FILIP1: variants seen among roughly 807,000 people sequenced by gnomAD.
FILIP1 encodes the protein filamin A interacting protein 1.
In FILIP1, 61 loss-of-function variants were observed where a neutral mutation model predicts 102.1. The observed-to-expected ratio is 0.60, with a 90% confidence interval of 0.49 to 0.74. The LOEUF is 0.74. Ranked by LOEUF, FILIP1 falls within the 30% of genes least tolerant of loss-of-function variation. The pLI, the probability that FILIP1 is intolerant of heterozygous loss-of-function variation, is 0.00. For missense variants in FILIP1, 1,314 were observed against 1,441.2 expected (o/e 0.91, Z 1.43); for synonymous variants, 491 against 526.9 (o/e 0.93, Z 0.93).
chr6:75,404,321 T>C (rs1776761419), intron 2 of FILIP1, among the ~76,000 whole-genome samples: 2 of 152,166 alleles, frequency 1.3e-5, no homozygotes, highest in African/African-American at 4.8e-5. Flanking sequence ...TCCAGCCCTC[T>C]CTTGCCTGTC....
At chr6:75,307,441 T>A (rs947853425), downstream of FILIP1, among the ~76,000 whole-genome samples, 1 of 152,240 alleles carries the variant, frequency 6.6e-6, no homozygotes, top group Non-Finnish European at 1.5e-5. Context: ...GACTTTTTGC[T>A]GTTGTATTTT....
At chr6:75,378,636 A>T (rs1201180753) in intron 2 of FILIP1, among the ~76,000 whole-genome samples, 1 of 152,200 alleles carries the variant, frequency 6.6e-6, no homozygotes, top group East Asian at 1.9e-4. Flanking sequence ...CAACTCTTCT[A>T]CTTTTTTCTT....
intron 1 of FILIP1, among the ~76,000 whole-genome samples, chr6:75,490,028 A>G (rs1226071045): frequency 6.6e-6 from 1 of 152,070 alleles, no homozygotes; most frequent in Non-Finnish European, 1.5e-5. Flanking sequence ...ATGTGGATTA[A>G]ACAAACTCTG....
chr6:75,431,266 T>C lies in FILIP1; in HGVS notation c.-6-16288A>G, dbSNP rs558111406. On this transcript the variant is annotated intron_variant, in intron 1 of 5. Coordinates refer to ENST00000237172, the MANE Select transcript of FILIP1 (RefSeq NM_015687.5). ...GGCTACGTTCCTATAATTTTTAATG[T>C]CTAAAATTTAAGATGTACATAAACA... Among the ~76,000 whole-genome samples, 69 of 152,316 alleles carry C rather than the reference T, an allele frequency of 4.5e-4. No individual in the cohort carries two copies. The South Asian group carries it at 0.014, about 31-fold the overall frequency.
At chr6:75,318,132 C>A (rs1325936393) in intron 4 of FILIP1, among the ~76,000 whole-genome samples, 1 of 151,612 alleles carries the variant, frequency 6.6e-6, no homozygotes, top group Non-Finnish European at 1.5e-5. Context: ...TCCTGGATAG[C>A]TTTTCATCCT....
At chr6:75,465,460 T>G (rs1779135292) in intron 1 of FILIP1, 2 of 959,190 alleles carry the variant, frequency 2.1e-6, no homozygotes, top group African/African-American at 1.6e-5. Flanking sequence ...GCTAGCAAAA[T>G]GGCAGAATTC....
At chr6:75,355,294 CA>C (rs1420520627) in intron 3 of FILIP1, among the ~76,000 whole-genome samples, 1 of 151,708 alleles carries the variant, frequency 6.6e-6, no homozygotes, top group African/African-American at 2.4e-5. Flanking sequence ...GACTCCATCT[CA>C]AAAACCAAAA....
chr6:75,362,729 G>C lies in FILIP1; in HGVS notation c.450+15C>G, dbSNP rs758535010. The C allele has an allele frequency of 4.3e-6, 7 of 1,609,956 alleles. No homozygotes were observed. Among genetic ancestry groups the C allele is most frequent in the Non-Finnish European group, 5.9e-6 (7 of 1,178,256 alleles). On this transcript the variant is annotated intron_variant, in intron 3 of 5. Coordinates refer to ENST00000237172, the MANE Select transcript of FILIP1 (RefSeq NM_015687.5). ...AGGTTCCCATCCAGGGGACTTGTTG[G>C]TGTCATATTTTTACCTCTGAAATCG...
At chr6:75,323,850 T>TCTC (rs35308124) in intron 4 of FILIP1, among the ~76,000 whole-genome samples, 101,530 of 151,542 alleles carry the variant, frequency 0.67, 34,156 homozygotes, top group Middle Eastern at 0.76. Flanking sequence ...CCCACGCTGT[T>TCTC]ATAATAGTGA....
chr6:75,470,498 A>G (rs73463771), intron 1 of FILIP1, among the ~76,000 whole-genome samples: 2 of 152,184 alleles, frequency 1.3e-5, no homozygotes, highest in Non-Finnish European at 2.9e-5. Flanking sequence ...TCTGTGCCTC[A>G]GTTTCCTTGT....
chr6:75,485,233 T>C (rs1779751288), intron 1 of FILIP1, among the ~76,000 whole-genome samples: 1 of 152,234 alleles, frequency 6.6e-6, no homozygotes, highest in Non-Finnish European at 1.5e-5. Flanking sequence ...TTTACTTCTT[T>C]TTCATTGACT....
chr6:75,441,487 G>A (rs1294608431), intron 1 of FILIP1, among the ~76,000 whole-genome samples: 4 of 151,996 alleles, frequency 2.6e-5, no homozygotes, highest in Non-Finnish European at 5.9e-5. Flanking sequence ...TTCTCAATGA[G>A]CTGTTGGGTA....
At chr6:75,356,306 A>G (rs141379229) in intron 3 of FILIP1, among the ~76,000 whole-genome samples, 1 of 151,732 alleles carries the variant, frequency 6.6e-6, no homozygotes, top group Non-Finnish European at 1.5e-5. Flanking sequence ...AATAAAAGAG[A>G]GCTGCTCACA....
chr6:75,441,878 C>CG (rs1437278375), intron 1 of FILIP1, among the ~76,000 whole-genome samples: 1 of 145,374 alleles, frequency 6.9e-6, no homozygotes, highest in Non-Finnish European at 1.5e-5. Flanking sequence ...GCTGGCCGGG[C>CG]GGGGGGTAGA....
At chr6:75,389,571 G>C (rs867214298) in intron 2 of FILIP1, among the ~76,000 whole-genome samples, 2 of 152,030 alleles carry the variant, frequency 1.3e-5, no homozygotes, top group African/African-American at 4.8e-5. Context: ...GTCTATTCAG[G>C]GATTCGACTT....
intron 1 of FILIP1, among the ~76,000 whole-genome samples, chr6:75,478,339 C>T (rs1236282117): frequency 2.6e-5 from 4 of 152,294 alleles, no homozygotes; most frequent in Admixed American, 6.5e-5. Context: ...CATTGCTCTT[C>T]CCTACCCATT....
intron 2 of FILIP1, among the ~76,000 whole-genome samples, chr6:75,405,745 T>C (rs895797562): frequency 1.3e-5 from 2 of 152,128 alleles, no homozygotes; most frequent in African/African-American, 4.8e-5. Flanking sequence ...CTAATTCTGA[T>C]TGGCTAATTT....
intron 1 of FILIP1, among the ~76,000 whole-genome samples, chr6:75,478,171 G>C (rs1473368347): frequency 6.6e-6 from 1 of 152,170 alleles, no homozygotes; most frequent in Non-Finnish European, 1.5e-5. Context: ...CAGGATCAAA[G>C]AGCAAAAGAT....
In FILIP1 at chr6:75,308,451, A is replaced by C. The variant is rs562704815; in HGVS notation, c.*240T>G. 1 of 1,335,918 alleles carries C rather than the reference A, an allele frequency of 7.5e-7. No individual in the cohort carries two copies. Among genetic ancestry groups the C allele is most frequent in the Non-Finnish European group, 9.6e-7 (1 of 1,037,364 alleles). 82.8% of individuals were successfully genotyped at this position (1,335,918 alleles called of 1,614,324 possible). A position where few individuals can be genotyped will look rare whatever the true frequency, so the allele number is the denominator to read the frequency against. Reference sequence around the variant, plus strand: ...GATGGGTCCACTTGCTAGAAGCAAAACTGGAACTAGAAACCACGCCCTGGC... The same window carrying C: ...GATGGGTCCACTTGCTAGAAGCAAACCTGGAACTAGAAACCACGCCCTGGC... On this transcript the variant is annotated 3_prime_UTR_variant, in exon 6 of 6. Transcript: ENST00000237172.
Sources: allele counts gnomAD v4.1 joint callset (sites outside exome capture counted in the v4.1 genomes callset), GRCh38; gene constraint gnomAD v4.1.1; transcripts MANE v1.5; gene names NCBI Gene and HGNC (gene_info 2026-07-23, HGNC 2026-07-21).